TMC1: variants seen among roughly 807,000 people sequenced by gnomAD.
The protein encoded by TMC1 is transmembrane channel like 1.
TMC1 carries 84 observed loss-of-function variants against 105.8 expected under a neutral mutation model. The observed-to-expected ratio is 0.79, with a 90% CI of 0.67 to 0.95. The LOEUF (loss-of-function observed/expected upper bound fraction) is 0.95, where lower values mean the gene tolerates loss of function less well. Ranked by LOEUF, TMC1 falls within the 40% of genes least tolerant of loss-of-function variation. The probability of loss-of-function intolerance (pLI) is 0.00; values close to 1 mark genes in which losing one functional copy is unlikely to be tolerated. For synonymous variants in TMC1, 315 were observed against 311.5 expected (o/e 1.01, Z -0.12); for missense variants, 817 against 914.1 (o/e 0.89, Z 1.37).
At chr9:72,585,846 G>A (rs983987867) in intron 2 of TMC1, among the ~76,000 whole-genome samples, 43 of 152,136 alleles carry the variant, frequency 2.8e-4, no homozygotes, top group Non-Finnish European at 4.9e-4. Flanking sequence ...AGTGGATGGG[G>A]CGTAGATGGA....
At chr9:72,642,511 C>T (rs1296179333) in intron 4 of TMC1, among the ~76,000 whole-genome samples, 1 of 152,180 alleles carries the variant, frequency 6.6e-6, no homozygotes, top group South Asian at 2.1e-4. Flanking sequence ...GACTGCATGC[C>T]TGCAGAGGAA....
intron 2 of TMC1, among the ~76,000 whole-genome samples, chr9:72,589,029 C>T (rs1017505724): frequency 1.6e-4 from 24 of 152,144 alleles, no homozygotes; most frequent in Non-Finnish European, 7.3e-5. Flanking sequence ...CTTGGCTTCC[C>T]AAAGTGCTGG....
chr9:72,588,548 G>A (rs981853403), intron 2 of TMC1, among the ~76,000 whole-genome samples: 1 of 152,146 alleles, frequency 6.6e-6, no homozygotes, highest in Non-Finnish European at 1.5e-5. Context: ...CTCCCTTACA[G>A]TATGGTGGCT....
At chr9:72,648,555 G>T (rs906324465) in intron 4 of TMC1, 42 bp from the exon 5 acceptor site, 13 of 1,109,144 alleles carry the variant, frequency 1.2e-5, no homozygotes, top group South Asian at 3.7e-5. Flanking sequence ...GTGTGTGGAT[G>T]TGCTAGATCA....
chr9:72,631,074 G>A (rs1332649810), intron 4 of TMC1, among the ~76,000 whole-genome samples: 2 of 152,006 alleles, frequency 1.3e-5, no homozygotes, highest in Admixed American at 1.3e-4. Context: ...CACTATGTTG[G>A]TCAGGCTAGT....
At chr9:72,818,583 T>C (rs1331191433) in intron 19 of TMC1, 1 of 152,206 alleles carries the variant, frequency 6.6e-6, no homozygotes, top group African/African-American at 2.4e-5. Flanking sequence ...ACTTTCTCAG[T>C]TGATCAGATG....
chr9:72,561,313 G>A lies in TMC1; in HGVS notation c.-427-16589G>A, dbSNP rs565238402. On this transcript the variant is annotated intron_variant, in intron 1 of 23. Coordinates refer to ENST00000297784, the MANE Select transcript of TMC1 (RefSeq NM_138691.3). ...AGCCTGGGCGGCAGAGCGAGACTCC[G>A]TCTCAAAAAAAAAAAAAAAAAAAAA... is the stretch of plus-strand genomic sequence containing the variant. Among the ~76,000 whole-genome samples the A allele has an allele frequency of 4.8e-3, 389 of 80,324 alleles. 1 individual carries two copies. The highest frequency in any genetic ancestry group is 0.012 in the Middle Eastern group (1 of 82). 52.7% of individuals were successfully genotyped at this position (80,324 alleles called of 152,430 possible).
At chr9:72,799,982 G>A (rs1828442661) in intron 17 of TMC1, among the ~76,000 whole-genome samples, 1 of 152,104 alleles carries the variant, frequency 6.6e-6, no homozygotes, top group African/African-American at 2.4e-5. Flanking sequence ...AAAGATGGAG[G>A]AAGGAGATTA....
chr9:72,628,956 G>GT (rs570702650), intron 4 of TMC1, among the ~76,000 whole-genome samples: 7 of 151,898 alleles, frequency 4.6e-5, no homozygotes, highest in African/African-American at 1.7e-4. Flanking sequence ...ATAAGAATCA[G>GT]TTTTTTTTAA....
At chr9:72,806,302 C>T (rs986958180) in intron 18 of TMC1, among the ~76,000 whole-genome samples, 2 of 147,114 alleles carry the variant, frequency 1.4e-5, no homozygotes, top group Non-Finnish European at 1.5e-5. Context: ...GGCAGCCGGG[C>T]AGAGGCGCCC....
intron 1 of TMC1, among the ~76,000 whole-genome samples, chr9:72,532,541 C>CAAAAAAAAAAAAAAAAAAAAA (rs59010604): frequency 1.3e-5 from 1 of 75,528 alleles, no homozygotes; most frequent in Non-Finnish European, 2.6e-5. Flanking sequence ...GACTCCGTCT[C>CAAAAAAAAAAAAAAAAAAAAA]AAAAAAAAAA....
At chr9:72,617,116 A>G (rs1825145673) in intron 3 of TMC1, among the ~76,000 whole-genome samples, 1 of 152,150 alleles carries the variant, frequency 6.6e-6, no homozygotes, top group Non-Finnish European at 1.5e-5. Flanking sequence ...TTTGGATATG[A>G]AAAACGCTTA....
chr9:72,741,788 G>A (rs1312837861), intron 9 of TMC1, among the ~76,000 whole-genome samples: 2 of 152,134 alleles, frequency 1.3e-5, no homozygotes, highest in African/African-American at 4.8e-5. Context: ...ATTCTTCCTG[G>A]TGGTCCTCTT....
At chr9:72,601,274 G>A (rs994965967) in intron 2 of TMC1, among the ~76,000 whole-genome samples, 3 of 152,130 alleles carry the variant, frequency 2.0e-5, no homozygotes, top group African/African-American at 7.2e-5. Flanking sequence ...GGGAGGCTGA[G>A]GGAGGAGGAT....
intron 1 of TMC1, among the ~76,000 whole-genome samples, chr9:72,528,735 G>A (rs1269765515): frequency 6.6e-6 from 1 of 152,112 alleles, no homozygotes; most frequent in Non-Finnish European, 1.5e-5. Context: ...CAGCCTTAAT[G>A]TCCTGCTCCC....
intron 12 of TMC1, among the ~76,000 whole-genome samples, chr9:72,758,576 G>A (rs985320478): frequency 5.3e-5 from 8 of 152,144 alleles, no homozygotes; most frequent in East Asian, 1.9e-4. Flanking sequence ...CTTGAGTATC[G>A]TGCATAGATG....
chr9:72,586,940 A>G (rs1056721469), intron 2 of TMC1, among the ~76,000 whole-genome samples: 5 of 152,124 alleles, frequency 3.3e-5, no homozygotes, highest in Admixed American at 2.6e-4. Flanking sequence ...GGTTGCATCA[A>G]TTGGTGTAGT....
At chr9:72,648,357 G>A (rs1195306199) in intron 4 of TMC1, among the ~76,000 whole-genome samples, 1 of 152,142 alleles carries the variant, frequency 6.6e-6, no homozygotes, top group Non-Finnish European at 1.5e-5. Flanking sequence ...GCTCTGAATA[G>A]GACTTATATG....
intron 18 of TMC1, among the ~76,000 whole-genome samples, chr9:72,807,047 C>T (rs535190105): frequency 7.0e-4 from 107 of 152,330 alleles, no homozygotes; most frequent in Admixed American, 3.6e-3. Context: ...GGATCACTTG[C>T]GGTTTGGGGC....
Sources: allele counts gnomAD v4.1 joint callset (sites outside exome capture counted in the v4.1 genomes callset), GRCh38; gene constraint gnomAD v4.1.1; transcripts MANE v1.5; gene names NCBI Gene and HGNC (gene_info 2026-07-23, HGNC 2026-07-21).